CDKAL1: variants seen among roughly 807,000 people sequenced by gnomAD.
CDKAL1 encodes the protein CDKAL1 threonylcarbamoyladenosine tRNA methylthiotransferase, also known as threonylcarbamoyladenosine tRNA methylthiotransferase.
Under a neutral mutation model 68.2 loss-of-function variants are expected in CDKAL1, and 32 were observed. The ratio of observed to expected loss-of-function variants is 0.47; its 90% CI spans 0.35 to 0.63. The LOEUF is 0.63. Ranked by LOEUF, CDKAL1 falls within the 30% of genes least tolerant of loss-of-function variation. The probability of loss-of-function intolerance (pLI) is 0.00; values close to 1 mark genes in which losing one functional copy is unlikely to be tolerated. For synonymous variants in CDKAL1, 234 were observed against 244.3 expected, an observed-to-expected ratio of 0.96 and a Z score of 0.39; for missense variants, 606 against 696.7, an observed-to-expected ratio of 0.87 and a Z score of 1.47.
intron 10 of CDKAL1, among the ~76,000 whole-genome samples, chr6:20,970,025 C>T (rs1765515669): frequency 6.6e-6 from 1 of 151,690 alleles, no homozygotes; most frequent in Non-Finnish European, 1.5e-5. Context: ...TAAACAATTG[C>T]AGCTGATTAT....
chr6:20,829,702 G>C lies in CDKAL1; in HGVS notation c.639-16373G>C, dbSNP rs939442701. ...CAAATGTTTTATTTTAGGTCCTTCT[G>C]TACTGCAAGAGCAGAAGTAGACCAA... On this transcript the variant is annotated intron_variant, in intron 8 of 15. Coordinates refer to ENST00000274695, the MANE Select transcript of CDKAL1 (RefSeq NM_017774.3). Among the ~76,000 whole-genome samples the C allele has an allele frequency of 2.2e-4, 34 of 152,278 alleles. 1 individual carries two copies. The highest frequency in any genetic ancestry group is 7.0e-4 in the African/African-American group (29 of 41,562).
rs147032291 is a variant in CDKAL1, at chr6:20,909,704, G to C, written c.743-45715G>C. 1.8e-3 allele frequency among the ~76,000 whole-genome samples: 270 copies of C among 152,294 alleles called. 3 individuals are homozygous for C. The highest frequency in any genetic ancestry group is 1.6e-3 in the Non-Finnish European group (110 of 68,026). On this transcript the variant is annotated intron_variant, in intron 9 of 15. Coordinates refer to ENST00000274695, the MANE Select transcript of CDKAL1 (RefSeq NM_017774.3). ...CTGCCCTCAGAGCCTATACTTGTAG[G>C]AAGGAAGATTATTTCCCTGTGCCAG...
intron 9 of CDKAL1, among the ~76,000 whole-genome samples, chr6:20,927,034 T>A (rs1763221945): frequency 6.6e-6 from 1 of 151,844 alleles, no homozygotes; most frequent in Non-Finnish European, 1.5e-5. Context: ...TGACCATTCC[T>A]TAAGAAATGT....
intron 4 of CDKAL1, among the ~76,000 whole-genome samples, chr6:20,638,396 G>C (rs1232337792): frequency 1.3e-5 from 2 of 151,912 alleles, no homozygotes; most frequent in Non-Finnish European, 2.9e-5. Flanking sequence ...ATTAGCTTTG[G>C]TCTTTTAAGT....
chr6:20,698,668 C>T (rs553573896), intron 5 of CDKAL1, among the ~76,000 whole-genome samples: 16 of 152,226 alleles, frequency 1.1e-4, no homozygotes, highest in Admixed American at 1.0e-3. Context: ...GTGCCATTCT[C>T]ATCACAGCAT....
chr6:20,650,286 G>A (rs1410879558), intron 5 of CDKAL1, among the ~76,000 whole-genome samples: 2 of 152,128 alleles, frequency 1.3e-5, no homozygotes, highest in East Asian at 3.9e-4. Context: ...CCTCATTGTG[G>A]TTTTGGCTTG....
At chr6:20,875,495 T>TTTACA (rs1760465944) in intron 9 of CDKAL1, among the ~76,000 whole-genome samples, 1 of 152,102 alleles carries the variant, frequency 6.6e-6, no homozygotes, top group Non-Finnish European at 1.5e-5. Flanking sequence ...TGTTTCAGTA[T>TTTACA]GTACAGTTAT....
chr6:21,013,432 GAT>G (rs1469859213), intron 11 of CDKAL1, among the ~76,000 whole-genome samples: 1 of 151,814 alleles, frequency 6.6e-6, no homozygotes, highest in Non-Finnish European at 1.5e-5. Context: ...GGGTGCATGA[GAT>G]ACTTTAGGCA....
intron 9 of CDKAL1, among the ~76,000 whole-genome samples, chr6:20,915,893 A>G (rs1762702805): frequency 6.6e-6 from 1 of 152,154 alleles, no homozygotes; most frequent in Non-Finnish European, 1.5e-5. Context: ...GTCTTGATAT[A>G]TGCAGCAACT....
At chr6:20,851,410 G>C (rs1427373914) in intron 9 of CDKAL1, among the ~76,000 whole-genome samples, 2 of 152,186 alleles carry the variant, frequency 1.3e-5, no homozygotes, top group Admixed American at 1.3e-4. Context: ...AGTTGTATAA[G>C]TGATGGAGCA....
At chr6:20,872,647 T>C (rs1191244702) in intron 9 of CDKAL1, among the ~76,000 whole-genome samples, 1 of 152,204 alleles carries the variant, frequency 6.6e-6, no homozygotes, top group Non-Finnish European at 1.5e-5. Flanking sequence ...TATTGAAGCC[T>C]TGTGTCCTAT....
intron 2 of CDKAL1, among the ~76,000 whole-genome samples, chr6:20,537,454 A>T (rs1035580833): frequency 6.6e-6 from 1 of 152,066 alleles, no homozygotes. Context: ...TAAAAATACA[A>T]AATTAGCTGG....
intron 4 of CDKAL1, among the ~76,000 whole-genome samples, chr6:20,609,401 C>T (rs12179172): frequency 0.15 from 7,240 of 49,500 alleles, 285 homozygotes; most frequent in African/African-American, 0.2. Context: ...TCTTCTTCTT[C>T]TTTTTTTTTT....
At chr6:20,572,997 A>G (rs1434719839) in intron 4 of CDKAL1, among the ~76,000 whole-genome samples, 1 of 152,172 alleles carries the variant, frequency 6.6e-6, no homozygotes, top group Non-Finnish European at 1.5e-5. Flanking sequence ...TTGGTTAGAA[A>G]ACATTCATGG....
intron 4 of CDKAL1, among the ~76,000 whole-genome samples, chr6:20,609,241 T>C (rs1766469739): frequency 3.0e-5 from 4 of 134,400 alleles, no homozygotes; most frequent in African/African-American, 1.2e-4. Context: ...TCCTTCTTCC[T>C]TCCTTCTTCT....
intron 9 of CDKAL1, among the ~76,000 whole-genome samples, chr6:20,858,502 T>A (rs1394116003): frequency 6.6e-6 from 1 of 152,162 alleles, no homozygotes; most frequent in Non-Finnish European, 1.5e-5. Context: ...TTTATCAACA[T>A]GAATGAAGTA....
At chr6:20,769,275 T>TTTTC (rs1242862104) in intron 7 of CDKAL1, among the ~76,000 whole-genome samples, 2 of 150,470 alleles carry the variant, frequency 1.3e-5, no homozygotes, top group Non-Finnish European at 3.0e-5. Flanking sequence ...TTTTTTTTTT[T>TTTTC]CAAGACAGAG....
chr6:21,079,924 T>G (rs1772284823), intron 12 of CDKAL1, among the ~76,000 whole-genome samples: 1 of 151,474 alleles, frequency 6.6e-6, no homozygotes, highest in Admixed American at 6.6e-5. Flanking sequence ...TTTATCTTTC[T>G]TTTTGTTTTT....
chr6:20,901,681 GAAA>G (rs77788195), intron 9 of CDKAL1, among the ~76,000 whole-genome samples: 43 of 86,338 alleles, frequency 5.0e-4, no homozygotes, highest in African/African-American at 1.1e-3. Flanking sequence ...ACTCCATCTG[GAAA>G]AAAAAAAAAA....
Sources: allele counts gnomAD v4.1 joint callset (sites outside exome capture counted in the v4.1 genomes callset), GRCh38; gene constraint gnomAD v4.1.1; transcripts MANE v1.5; gene names NCBI Gene and HGNC (gene_info 2026-07-23, HGNC 2026-07-21).